ERN2: variants seen among roughly 807,000 people sequenced by gnomAD.
ERN2 encodes the protein serine/threonine-protein kinase/endoribonuclease IRE2.
In ERN2, 111 loss-of-function variants were observed where a neutral mutation model predicts 107.9. The ratio of observed to expected loss-of-function variants is 1.03; its 90% confidence interval spans 0.88 to 1.20. The LOEUF is 1.20. Among genes scored for constraint, ERN2 ranks in the 50% most tolerant of loss-of-function variants. The pLI, the probability that ERN2 is intolerant of heterozygous loss-of-function variation, is 0.00. For missense variants in ERN2, 1,225 were observed against 1,197.9 expected (o/e 1.02, Z -0.33); for synonymous variants, 524 against 501.7 (o/e 1.04, Z -0.59).
intron 10 of ERN2, 42 bp downstream of exon 10, chr16:23,702,348 C>G: frequency 6.2e-7 from 1 of 1,610,980 alleles, no homozygotes; most frequent in Non-Finnish European, 8.5e-7. Context: ...CTCACAGGTT[C>G]TTTATCTTCA....
intron 7 of ERN2, 41 bp downstream of exon 7, chr16:23,706,289 G>T: frequency 7.3e-7 from 1 of 1,363,444 alleles, no homozygotes; most frequent in Non-Finnish European, 9.9e-7. Flanking sequence ...CTGGGTTGGG[G>T]ACCTTGCTCC....
intron 4 of ERN2, 114 bp from the exon 5 acceptor site, chr16:23,707,193 C>A: frequency 1.3e-6 from 1 of 776,082 alleles, no homozygotes; most frequent in South Asian, 1.5e-5. Flanking sequence ...ATCATTTCCA[C>A]TTTTCAGGTA....
At chr16:23,700,245 G>T (rs991756375) in intron 13 of ERN2, among the ~76,000 whole-genome samples, 9 of 152,182 alleles carry the variant, frequency 5.9e-5, no homozygotes, top group African/African-American at 1.9e-4. Flanking sequence ...GCTGAGGAGG[G>T]AGGATTTCTT....
intron 4 of ERN2, among the ~76,000 whole-genome samples, chr16:23,708,655 G>A (rs967495331): frequency 6.6e-6 from 1 of 152,098 alleles, no homozygotes; most frequent in African/African-American, 2.4e-5. Context: ...ACCGTGCCCA[G>A]CCAGTGCTGT....
At position 23,710,198 on chromosome 16, in the gene ERN2, C is replaced by G; in HGVS notation, c.280G>C (p.Gly94Arg). 1.9e-6 allele frequency: 3 copies of G among 1,613,968 alleles called. No homozygotes were observed. Among genetic ancestry groups the G allele is most frequent in the South Asian group, 1.1e-5 (1 of 91,068 alleles). ...DPADGSLYIL[G>R]TQKQQGLMKL... ...ATTAATCCCTGTTGTTTTTGGGTCC[C>G]CAAGATGTACAGGCTGCCATCTGCT... Residue 94 changes from glycine (G) to arginine (R), a missense_variant, in exon 4 of 22, where the codon GGG (glycine) becomes CGG (arginine). Coordinates refer to ENST00000256797, the MANE Select transcript of ERN2 (RefSeq NM_033266.4).
At chr16:23,697,604 C>G (rs961022988) in intron 13 of ERN2, among the ~76,000 whole-genome samples, 2 of 152,124 alleles carry the variant, frequency 1.3e-5, no homozygotes, top group Non-Finnish European at 2.9e-5. Flanking sequence ...GAAGCACCCT[C>G]GAAGAGACAG....
intron 1 of ERN2, among the ~76,000 whole-genome samples, chr16:23,711,413 G>T (rs1012375569): frequency 1.3e-5 from 2 of 152,176 alleles, no homozygotes; most frequent in African/African-American, 4.8e-5. Flanking sequence ...CTGGAATGAA[G>T]TGGCATAGTC....
rs753011316 is a variant in ERN2 at position 23,704,996 on chromosome 16, C to G, written c.741G>C (p.Thr247=). The G allele has an allele frequency of 2.5e-6, 4 of 1,613,918 alleles. No individual in the cohort carries two copies. The African/African-American group carries it at 5.3e-5, about 22-fold the overall frequency. ...GGAAATGCAGAGTGTCTCGAGCCAG[C>G]GTGAGATGCGGCAGCTGGCGCAGGC... ...QDGLRQLPHL[T]LARDTLHFLA... The change falls in exon 8 of 22, where the codon ACG becomes ACC. Residue 247 remains threonine (T), a synonymous_variant. Transcript: ENST00000256797.
rs1352046367 is a variant in ERN2 at position 23,702,389 on chromosome 16, C to G, written c.1081+1G>C. On this transcript the variant is annotated splice_donor_variant, in intron 10 of 21. Coordinates refer to ENST00000256797, the MANE Select transcript of ERN2 (RefSeq NM_033266.4). LOFTEE classifies it high-confidence loss of function. ...TCCCAATTTGAGCCAGAGGATCTCACCAATGAGCAGCCACTGGCTTGGGAG... is the reference window on the plus strand; with the variant it reads ...TCCCAATTTGAGCCAGAGGATCTCAGCAATGAGCAGCCACTGGCTTGGGAG... 1 of 1,612,956 alleles carries G rather than the reference C, an allele frequency of 6.2e-7. No homozygotes were observed. The highest frequency in any genetic ancestry group is 1.1e-5 in the South Asian group (1 of 90,978).
Position 23,710,170 on chromosome 16 carries a change from A to G in ERN2, c.306+2T>C. 1 of 1,609,134 alleles carries G rather than the reference A, an allele frequency of 6.2e-7. No homozygotes were observed. Among genetic ancestry groups the G allele is most frequent in the Non-Finnish European group, 8.5e-7 (1 of 1,175,500 alleles). On this transcript the variant is annotated splice_donor_variant, in intron 4 of 21. Coordinates refer to ENST00000256797, the MANE Select transcript of ERN2 (RefSeq NM_033266.4). LOFTEE classifies it high-confidence loss of function. Reference sequence around the variant, plus strand: ...CATTCCCGAACACCATGGGATACAAACCATTAATCCCTGTTGTTTTTGGGT... The same window carrying G: ...CATTCCCGAACACCATGGGATACAAGCCATTAATCCCTGTTGTTTTTGGGT...
In ERN2 at chr16:23,712,845, G is replaced by A. The variant is rs930842889; in HGVS notation, c.93+250C>T. 8 of 484,268 alleles carry A rather than the reference G, an allele frequency of 1.7e-5. No individual in the cohort carries two copies. In the South Asian group the frequency reaches 2.8e-4, roughly 17 times the overall value. 30.0% of individuals were successfully genotyped at this position (484,268 alleles called of 1,614,324 possible). A position where few individuals can be genotyped will look rare whatever the true frequency, so the allele number is the denominator to read the frequency against. ...GACTACACCTCTCCCTGCTGAAGAG[G>A]CGGGGTGCTCTGTCTACTCTTGCCT... On this transcript the variant is annotated intron_variant, in intron 1 of 21. Transcript: ENST00000256797.
At chr16:23,696,222 T>G (rs753313127) in intron 13 of ERN2, among the ~76,000 whole-genome samples, 1 of 152,138 alleles carries the variant, frequency 6.6e-6, no homozygotes, top group Non-Finnish European at 1.5e-5. Context: ...ATCTGTAGAG[T>G]GGGGAGCTAA....
In ERN2 at chr16:23,691,205, A is replaced by G; in HGVS notation, c.2501-9T>C. The G allele has an allele frequency of 3.7e-6, 6 of 1,613,990 alleles. No individual in the cohort carries two copies. The highest frequency in any genetic ancestry group is 5.1e-6 in the Non-Finnish European group (6 of 1,179,932). On this transcript the variant is annotated splice_polypyrimidine_tract_variant and intron_variant, in intron 20 of 21. Coordinates refer to ENST00000256797, the MANE Select transcript of ERN2 (RefSeq NM_033266.4). ...CCGGAACTTTCTCAGATCTGTGGAC[A>G]GGGAATTCAGTGGCAAAACCGTCCC...
At position 23,700,978 on chromosome 16, in the gene ERN2, A is replaced by C. The variant is rs1353402096; in HGVS notation, c.1340T>G (p.Ile447Ser). ...GCCTACCTGCCTCATCACAAAGAGA[A>C]TCCACCCTCCCAGGAGGACAGCAGT... ...SLTAVLLGGW[I>S]LFVMRQQQPQ... Residue 447 changes from isoleucine (I) to serine (S), a missense_variant, in exon 12 of 22, where the codon ATT becomes AGT. Ile to Ser is a moderately radical substitution (Grantham distance 142). Coordinates refer to ENST00000256797, the MANE Select transcript of ERN2 (RefSeq NM_033266.4). 6.2e-7 allele frequency: 1 copy of C among 1,614,040 alleles called. No individual in the cohort carries two copies. Among genetic ancestry groups the C allele is most frequent in the Admixed American group, 1.7e-5 (1 of 60,002 alleles).
Position 23,695,119 on chromosome 16 carries a change from C to G in ERN2, c.1801-1G>C. ...GATCCAGGTCCGGGTTTTCTACGTA[C>G]TGAGCAGCAGCAAGGGCCAAAGCAT... On this transcript the variant is annotated splice_acceptor_variant, in intron 15 of 21. Coordinates refer to ENST00000256797, the MANE Select transcript of ERN2 (RefSeq NM_033266.4). LOFTEE classifies it high-confidence loss of function. 1 of 1,614,082 alleles carries G rather than the reference C, an allele frequency of 6.2e-7. No homozygotes were observed. The highest frequency in any genetic ancestry group is 8.5e-7 in the Non-Finnish European group (1 of 1,179,988).
Position 23,690,917 on chromosome 16 carries a change from T to C in ERN2, c.2695A>G (p.Ser899Gly). The change falls in exon 22 of 22, where the codon AGC becomes GGC. Residue 899 changes from serine (S) to glycine (G), a missense_variant. Ser to Gly is a moderately conservative substitution (Grantham distance 56). Transcript: ENST00000256797. Reference sequence around the variant, plus strand: ...AGGAAGAGGCTCTCAGAGGCGCAGCTCCTCATGGCTCGGTGCGTGTGGAGG... The same window carrying C: ...AGGAAGAGGCTCTCAGAGGCGCAGCCCCTCATGGCTCGGTGCGTGTGGAGG... Reference protein sequence around the residue: ...LLLHTHRAMRSCASESLFLPY... With the variant: ...LLLHTHRAMRGCASESLFLPY... 6.2e-7 allele frequency: 1 copy of C among 1,614,000 alleles called. No homozygotes were observed. Among genetic ancestry groups the C allele is most frequent in the Non-Finnish European group, 8.5e-7 (1 of 1,180,004 alleles).
intron 14 of ERN2, 54 bp from the exon 15 acceptor site, chr16:23,695,443 G>A: frequency 6.6e-7 from 1 of 1,512,936 alleles, no homozygotes; most frequent in Admixed American, 2.0e-5. Context: ...AGCAGATAAA[G>A]GGACAAACAT....
In ERN2 at chr16:23,700,670, G is replaced by T. The variant is rs1348951110; in HGVS notation, c.1394C>A (p.Thr465Asn). 47 of 1,613,690 alleles carry T rather than the reference G, an allele frequency of 2.9e-5. No homozygotes were observed. The highest frequency in any genetic ancestry group is 3.9e-5 in the Non-Finnish European group (46 of 1,179,880). Reference protein sequence around the residue: ...QPQVVEKQQETPLAPADFAHI... With the variant: ...QPQVVEKQQENPLAPADFAHI... ...AGCAAAGTCTGCAGGTGCCAGGGGG[G>T]TCTCCTGCTGCTTCTCCACCACCTG... Residue 465 changes from threonine to asparagine, a missense_variant, in exon 13 of 22, where the codon ACC becomes AAC. Transcript: ENST00000256797.
chr16:23,706,507 C>T (rs2141020128), intron 6 of ERN2, 76 bp from the exon 7 acceptor site: 1 of 1,162,396 alleles, frequency 8.6e-7, no homozygotes, highest in Non-Finnish European at 1.3e-6. Flanking sequence ...ATTTATCTTG[C>T]AGGAGTGGGG....
Sources: gnomAD v4.1 joint callset for allele counts (sites outside exome capture counted in the v4.1 genomes callset) on GRCh38, gnomAD v4.1.1 for gene constraint, MANE v1.5 for transcripts, NCBI Gene and HGNC (gene_info 2026-07-23, HGNC 2026-07-21) for gene names.